The following GAL variants were observed in gnomAD, a reference collection of about 807,000 sequenced individuals.
The protein encoded by GAL is galanin peptides.
A neutral mutation model predicts 15.8 loss-of-function variants in GAL; 14 were observed. That is an observed-to-expected ratio of 0.89 (90% confidence interval 0.59 to 1.39). The LOEUF (loss-of-function observed/expected upper bound fraction) is 1.39, where lower values mean the gene tolerates loss of function less well. GAL is among the 40% of genes most tolerant of loss of function. The pLI is 0.00. For missense variants in GAL, 176 were observed against 170.4 expected, an observed-to-expected ratio of 1.03 and a Z score of -0.18; for synonymous variants, 79 against 73.8, an observed-to-expected ratio of 1.07 and a Z score of -0.36.
chr11:68,690,427 G>A (rs1280611610), intron 5 of GAL, among the ~76,000 whole-genome samples: 1 of 152,100 alleles, frequency 6.6e-6, no homozygotes. Flanking sequence ...GAGGAGTGAG[G>A]GGAGGGGAGC....
In GAL at chr11:68,686,660, C is replaced by G. The variant is rs74891457; in HGVS notation, c.136+1012C>G. ...GAGCCGCCTGAGGCCGCGTGCGGAT[C>G]GGTCCAGGCTGTTCACCACAGAGCC... On this transcript the variant is annotated intron_variant, in intron 3 of 5. Transcript: ENST00000265643. Among the ~76,000 whole-genome samples the G allele has an allele frequency of 6.1e-3, 929 of 152,288 alleles. 6 individuals are homozygous for G. Among genetic ancestry groups the G allele is most frequent in the African/African-American group, 0.021 (862 of 41,560 alleles).
intron 3 of GAL, among the ~76,000 whole-genome samples, chr11:68,687,261 A>G (rs929928261): frequency 1.3e-5 from 2 of 151,860 alleles, no homozygotes; most frequent in South Asian, 2.1e-4. Flanking sequence ...CCTCGTCCCC[A>G]TCTCTCATTT....
chr11:68,685,530 T>G, intron 2 of GAL, 64 bp from the exon 3 acceptor site: 1 of 1,102,316 alleles, frequency 9.1e-7, no homozygotes, highest in Non-Finnish European at 1.4e-6. Context: ...AAAGCCTGGG[T>G]GCACCCATTC....
At chr11:68,684,861 T>C in intron 1 of GAL, 63 bp from the exon 2 acceptor site, 1 of 1,016,004 alleles carries the variant, frequency 9.8e-7, no homozygotes, top group East Asian at 2.6e-5. Context: ...GCCCCGGCAC[T>C]CCTTGCCTCG....
intron 5 of GAL, 51 bp downstream of exon 5, chr11:68,688,977 G>A (rs764879345): frequency 5.6e-6 from 5 of 886,508 alleles, no homozygotes; most frequent in African/African-American, 3.3e-5. Context: ...CACTGGAAAC[G>A]TAAAAGGCCC....
intron 2 of GAL, 105 bp from the exon 3 acceptor site, chr11:68,685,489 T>C (rs1945843001): frequency 1.3e-6 from 1 of 778,698 alleles, no homozygotes; most frequent in Non-Finnish European, 2.3e-6. Context: ...CAAAAGCACA[T>C]GCATTGTTCT....
In GAL at chr11:68,685,726, G is replaced by A. The variant is rs550985433; in HGVS notation, c.136+78G>A. ...TTTGAACCCTGGCTCCTGCCCCTCCGCCTGCGGCTGGGCAGACCCTCTGGC... is the reference window on the plus strand; with the variant it reads ...TTTGAACCCTGGCTCCTGCCCCTCCACCTGCGGCTGGGCAGACCCTCTGGC... On this transcript the variant is annotated intron_variant, in intron 3 of 5. Transcript: ENST00000265643. The A allele has an allele frequency of 2.3e-4, 228 of 1,005,390 alleles. 2 individuals carry two copies. The highest frequency in any genetic ancestry group is 8.2e-4 in the Middle Eastern group (4 of 4,890). The allele number at this position is 1,005,390 out of a possible 1,614,324, so 62.3% of individuals were successfully genotyped here.
chr11:68,689,026 C>T (rs1403565798), intron 5 of GAL, 100 bp downstream of exon 5: 1 of 684,688 alleles, frequency 1.5e-6, no homozygotes, highest in Non-Finnish European at 2.6e-6. Context: ...TGGGAAGTAG[C>T]CGATTACTTA....
chr11:68,687,345 C>A (rs75050192), intron 3 of GAL, among the ~76,000 whole-genome samples: 1,721 of 152,176 alleles, frequency 0.011, 32 homozygotes, highest in African/African-American at 0.04. Context: ...CAGCCTTCAT[C>A]GTTTCTTCCC....
intron 3 of GAL, among the ~76,000 whole-genome samples, chr11:68,687,778 C>T (rs554757811): frequency 6.6e-6 from 1 of 152,254 alleles, no homozygotes; most frequent in East Asian, 1.9e-4. Flanking sequence ...TCCCTTTCTC[C>T]CACCCACCCT....
In GAL at chr11:68,691,069, CAG is replaced by C; in HGVS notation, c.*85_*86del. 3 of 839,008 alleles carry C rather than the reference CAG, an allele frequency of 3.6e-6. No individual in the cohort carries two copies. Among genetic ancestry groups the C allele is most frequent in the Admixed American group, 1.7e-5 (1 of 57,612 alleles). The allele number at this position is 839,008 out of a possible 1,614,324, so 52.0% of individuals were successfully genotyped here. On this transcript the variant is annotated 3_prime_UTR_variant, in exon 6 of 6. Coordinates refer to ENST00000265643, the MANE Select transcript of GAL (RefSeq NM_015973.5). ...ATGGATAATCTTCGGCCAATTTATG[CAG>C]AGTCAGCCATTCCTGTTCTCTTTGC...
intron 2 of GAL, 138 bp downstream of exon 2, chr11:68,685,142 T>A (rs1945839254): frequency 1.6e-6 from 1 of 634,626 alleles, no homozygotes; most frequent in Non-Finnish European, 2.8e-6. Flanking sequence ...CTGTCCTGGC[T>A]GCGGGCGTCG....
chr11:68,687,878 T>C, intron 3 of GAL, 136 bp from the exon 4 acceptor site: 1 of 640,424 alleles, frequency 1.6e-6, no homozygotes, highest in Non-Finnish European at 2.9e-6. Flanking sequence ...TGCTCTGGTG[T>C]CTGTCCCTGG....
chr11:68,690,285 C>A (rs1418526657), intron 5 of GAL, among the ~76,000 whole-genome samples: 1 of 152,190 alleles, frequency 6.6e-6, no homozygotes, highest in Non-Finnish European at 1.5e-5. Context: ...CCAGTGGAGA[C>A]CTTCAGTTGC....
In GAL at chr11:68,685,649, G is replaced by C. The variant is rs775508840; in HGVS notation, c.136+1G>C. 2 of 1,609,914 alleles carry C rather than the reference G, an allele frequency of 1.2e-6. No homozygotes were observed. The highest frequency in any genetic ancestry group is 1.7e-6 in the Non-Finnish European group (2 of 1,176,280). On this transcript the variant is annotated splice_donor_variant, in intron 3 of 5. Coordinates refer to ENST00000265643, the MANE Select transcript of GAL (RefSeq NM_015973.5). LOFTEE classifies it high-confidence loss of function. ...AGCGCGGGCTACCTGCTGGGCCCAC[G>C]TAAGTGACTGACAGCATGGCCTCCC...
Position 68,685,567 on chromosome 11 carries a change from C to G in GAL, c.82-27C>G. The G allele has an allele frequency of 2.5e-6, 4 of 1,571,800 alleles. No homozygotes were observed. The East Asian group carries it at 9.0e-5, about 35-fold the overall frequency. On this transcript the variant is annotated intron_variant, in intron 2 of 5. Transcript: ENST00000265643. ...GCATAGGCTCCAGGCACAGCCCTGG[C>G]ATCTGATCCCCTTTTCTCCCTTCAA...
At chr11:68,685,567 C>T (rs370408784) in intron 2 of GAL, 27 bp from the exon 3 acceptor site, 1 of 1,571,800 alleles carries the variant, frequency 6.4e-7, no homozygotes, top group South Asian at 1.1e-5. Context: ...ACAGCCCTGG[C>T]ATCTGATCCC....
intron 5 of GAL, 98 bp downstream of exon 5, chr11:68,689,024 A>T: frequency 1.4e-6 from 1 of 689,666 alleles, no homozygotes; most frequent in Non-Finnish European, 2.6e-6. Context: ...CCTGGGAAGT[A>T]GCCGATTACT....
chr11:68,684,681 C>G lies in GAL; in HGVS notation c.-52C>G. On this transcript the variant is annotated 5_prime_UTR_variant, in exon 1 of 6. Coordinates refer to ENST00000265643, the MANE Select transcript of GAL (RefSeq NM_015973.5). Reference sequence around the variant, plus strand: ...CGCCCGGACCTGCCGCCCAGACCCGCCACCGCACCCGGACCCCGACGCTCC... The same window carrying G: ...CGCCCGGACCTGCCGCCCAGACCCGGCACCGCACCCGGACCCCGACGCTCC... 2.6e-6 allele frequency: 1 copy of G among 391,612 alleles called. No homozygotes were observed. Among genetic ancestry groups the G allele is most frequent in the Non-Finnish European group, 4.5e-6 (1 of 220,710 alleles). 24.3% of individuals were successfully genotyped at this position (391,612 alleles called of 1,614,324 possible).
Sources: allele counts gnomAD v4.1 joint callset (sites outside exome capture counted in the v4.1 genomes callset), GRCh38; gene constraint gnomAD v4.1.1; transcripts MANE v1.5; gene names NCBI Gene and HGNC (gene_info 2026-07-23, HGNC 2026-07-21).